ESAM: variants seen among roughly 807,000 people sequenced by gnomAD.
The protein encoded by ESAM is endothelial cell adhesion molecule, also known as endothelial cell-selective adhesion molecule.
A neutral mutation model predicts 31.8 loss-of-function variants in ESAM; 23 were observed. That is an observed-to-expected ratio of 0.72 (90% CI 0.52 to 1.03). The LOEUF is 1.03. Ranked by LOEUF, ESAM falls within the 50% of genes least tolerant of loss-of-function variation. The pLI, the probability that ESAM is intolerant of heterozygous loss-of-function variation, is 0.00. For synonymous variants in ESAM, 216 were observed against 207.2 expected, an observed-to-expected ratio of 1.04 and a Z score of -0.37; for missense variants, 478 against 488.9, an observed-to-expected ratio of 0.98 and a Z score of 0.21.
chr11:124,761,975 G>T (rs1944235597), intron 1 of ESAM, 110 bp downstream of exon 1: 1 of 952,926 alleles, frequency 1.0e-6, no homozygotes, highest in Non-Finnish European at 1.6e-6. Context: ...GTCAGGGGAG[G>T]AGGGCGAGTC....
In ESAM at chr11:124,754,355, G is replaced by A. The variant is rs200991755; in HGVS notation, c.731-15C>T. The A allele has an allele frequency of 6.8e-5, 110 of 1,613,280 alleles. No homozygotes were observed. The highest frequency in any genetic ancestry group is 1.2e-4 in the African/African-American group (9 of 75,006). Reference sequence around the variant, plus strand: ...AGCTCCAGGCCCTGGAAAAGGCGTCGTGTCAGAGGAGGACACCCAGCTGAG... The same window carrying A: ...AGCTCCAGGCCCTGGAAAAGGCGTCATGTCAGAGGAGGACACCCAGCTGAG... On this transcript the variant is annotated splice_polypyrimidine_tract_variant and intron_variant, in intron 5 of 6. Transcript: ENST00000278927. This position sits in a 1 kb window ranked among gnomAD's most constrained non-coding sequence, Gnocchi z 4.5.
chr11:124,760,612 C>T (rs1944217383), intron 1 of ESAM, among the ~76,000 whole-genome samples: 1 of 152,246 alleles, frequency 6.6e-6, no homozygotes. Context: ...TGCCATTTAA[C>T]CCTCGAGTGG....
chr11:124,758,614 G>A (rs1944186818), intron 1 of ESAM, 87 bp from the exon 2 acceptor site: 2 of 1,401,634 alleles, frequency 1.4e-6, no homozygotes, highest in Non-Finnish European at 1.9e-6. Flanking sequence ...ACCAGAGAGC[G>A]AGGAAAGTCG....
Position 124,754,594 on chromosome 11 carries a change from C to A in ESAM, c.730+47G>T. On this transcript the variant is annotated intron_variant, in intron 5 of 6. Transcript: ENST00000278927. This position sits in a 1 kb window ranked among gnomAD's most constrained non-coding sequence, Gnocchi z 4.5. ...GGCCTCCTCCCCACTTGCAACCCCT[C>A]CCCCACCATTGACCACTCTTCTTAA... 1 of 1,583,736 alleles carries A rather than the reference C, an allele frequency of 6.3e-7. No individual in the cohort carries two copies. The highest frequency in any genetic ancestry group is 1.2e-5 in the South Asian group (1 of 86,432).
In ESAM at chr11:124,762,090, G is replaced by T; in HGVS notation, c.65C>A (p.Ala22Asp). ...CAGGTCCGGGTTTCACTCACCGAGG[G>T]CACTCAGCCCCAGGAACAAAAACCG... The part of the protein sequence containing the change: ...LLRFLFLGLS[A>D]LAPPSRAQLQ... The change falls in exon 1 of 7, where the codon GCC (alanine) becomes GAC (aspartate). Residue 22 changes from alanine to aspartate, a missense_variant. Transcript: ENST00000278927. This position sits in a 1 kb window ranked among gnomAD's most constrained non-coding sequence, Gnocchi z 6.4. 6.2e-7 allele frequency: 1 copy of T among 1,610,958 alleles called. No homozygotes were observed. Among genetic ancestry groups the T allele is most frequent in the Non-Finnish European group, 8.5e-7 (1 of 1,178,560 alleles).
intron 4 of ESAM, among the ~76,000 whole-genome samples, chr11:124,755,308 A>G: frequency 6.6e-6 from 1 of 152,170 alleles, no homozygotes; most frequent in Admixed American, 6.5e-5. Context: ...TGAAGAGTTA[A>G]TGGGTACAGC....
Position 124,758,520 on chromosome 11 carries a change from G to A in ESAM, c.78C>T (p.Pro26=), listed in dbSNP as rs567320003. ...LFLGLSALAP[P]SRAQLQLHLP... is the part of the protein sequence containing the mutation. Reference sequence around the variant, plus strand: ...AGTGCAGTTGCAGCTGGGCCCGCGAGGGGGGCGCTGGAGACAAGAGCGAGG... The same window carrying A: ...AGTGCAGTTGCAGCTGGGCCCGCGAAGGGGGCGCTGGAGACAAGAGCGAGG... The change falls in exon 2 of 7, where the codon CCC becomes CCT. Residue 26 remains proline (P), a synonymous_variant. Coordinates refer to ENST00000278927, the MANE Select transcript of ESAM (RefSeq NM_138961.3). The A allele has an allele frequency of 7.7e-6, 12 of 1,556,402 alleles. No homozygotes were observed. Among genetic ancestry groups the A allele is most frequent in the Non-Finnish European group, 1.0e-5 (12 of 1,151,392 alleles).
chr11:124,762,021 C>CAAA lies in ESAM; in HGVS notation c.70+63_70+64insTTT, dbSNP rs1944236158. On this transcript the variant is annotated intron_variant, in intron 1 of 6. Transcript: ENST00000278927. The surrounding 1 kb of genome is among the most constrained non-coding windows in gnomAD (Gnocchi z 6.4). ...GTTCCGCAGCAGTGGCCAAAGTTCT[C>CAAA]CCTCAGGGTCGAACTCACCCCATCC... The CAAA allele has an allele frequency of 1.4e-6, 2 of 1,450,840 alleles. No individual in the cohort carries two copies. Among genetic ancestry groups the CAAA allele is most frequent in the South Asian group, 2.4e-5 (2 of 83,730 alleles). The allele number at this position is 1,450,840 out of a possible 1,614,324, so 89.9% of individuals were successfully genotyped here. A position where few individuals can be genotyped will look rare whatever the true frequency, so the allele number is the denominator to read the frequency against.
chr11:124,757,049 G>T, intron 2 of ESAM: 1 of 320,100 alleles, frequency 3.1e-6, no homozygotes, highest in South Asian at 4.8e-5. Context: ...ATGCAACTCA[G>T]ACTGCTGGGG....
In ESAM at chr11:124,754,433, A is replaced by G; in HGVS notation, c.731-93T>C. On this transcript the variant is annotated intron_variant, in intron 5 of 6. Transcript: ENST00000278927. This position sits in a 1 kb window ranked among gnomAD's most constrained non-coding sequence, Gnocchi z 4.5. ...CTCCCCACCCCATCTGCCACCATAC[A>G]CATTCCCTCTTTTTCCCTGTCAAGA... 1 of 1,530,400 alleles carries G rather than the reference A, an allele frequency of 6.5e-7. No individual in the cohort carries two copies. The highest frequency in any genetic ancestry group is 8.8e-7 in the Non-Finnish European group (1 of 1,136,958). The allele number at this position is 1,530,400 out of a possible 1,614,324, so 94.8% of individuals were successfully genotyped here.
In ESAM at chr11:124,756,217, T is replaced by TG; in HGVS notation, c.596dup (p.Pro200ThrfsTer30). ...CAGTAGTGTCCTCACCTAATGCTGG[T>TG]GCAAAGAAAGTCTGGAAGGATGGAA... is the stretch of plus-strand genomic sequence containing the variant. On this transcript the variant is annotated frameshift_variant, in exon 4 of 7. Transcript: ENST00000278927. LOFTEE classifies it high-confidence loss of function. 1 of 1,613,672 alleles carries TG rather than the reference T, an allele frequency of 6.2e-7. No individual in the cohort carries two copies. Among genetic ancestry groups the TG allele is most frequent in the Non-Finnish European group, 8.5e-7 (1 of 1,180,008 alleles).
chr11:124,762,281 GC>G lies in ESAM; in HGVS notation c.-128del. The stretch of plus-strand genomic sequence containing the variant: ...GCCGCTGACACCCAGGGCGGCTCCA[GC>G]CCAAGTCTGCGCGCCTGTGTGCCGG... On this transcript the variant is annotated 5_prime_UTR_variant, in exon 1 of 7. Coordinates refer to ENST00000278927, the MANE Select transcript of ESAM (RefSeq NM_138961.3). The surrounding 1 kb of genome is among the most constrained non-coding windows in gnomAD (Gnocchi z 6.4). The G allele has an allele frequency of 1.5e-6, 1 of 658,432 alleles. No homozygotes were observed. The highest frequency in any genetic ancestry group is 2.4e-6 in the Non-Finnish European group (1 of 411,900). 40.8% of individuals were successfully genotyped at this position (658,432 alleles called of 1,614,324 possible). A position where few individuals can be genotyped will look rare whatever the true frequency, so the allele number is the denominator to read the frequency against.
At position 124,754,126 on chromosome 11, in the gene ESAM, T is replaced by C. The variant is rs763909641; in HGVS notation, c.857+88A>G. 1 of 1,569,104 alleles carries C rather than the reference T, an allele frequency of 6.4e-7. No homozygotes were observed. Among genetic ancestry groups the C allele is most frequent in the Non-Finnish European group, 8.6e-7 (1 of 1,157,514 alleles). ...AATGATGTTTCAGCCACTGACCCCATCCCAATAGATGAGAGCTGCCTGAAT... is the reference window on the plus strand; with the variant it reads ...AATGATGTTTCAGCCACTGACCCCACCCCAATAGATGAGAGCTGCCTGAAT... On this transcript the variant is annotated intron_variant, in intron 6 of 6. Coordinates refer to ENST00000278927, the MANE Select transcript of ESAM (RefSeq NM_138961.3). This position sits in a 1 kb window ranked among gnomAD's most constrained non-coding sequence, Gnocchi z 4.5.
chr11:124,753,715 A>T lies in ESAM; in HGVS notation c.1104T>A (p.Ser368=), dbSNP rs1478454756. 1 of 1,614,124 alleles carries T rather than the reference A, an allele frequency of 6.2e-7. No individual in the cohort carries two copies. ...GCACAGCACCCATGCGGCTCAAGCCAGAGGAAGAAACCCCACCAGGGATGG... is the reference window on the plus strand; with the variant it reads ...GCACAGCACCCATGCGGCTCAAGCCTGAGGAAGAAACCCCACCAGGGATGG... ...ISPIPGGVSS[S]GLSRMGAVPV... The change falls in exon 7 of 7, where the codon TCT becomes TCA. Residue 368 remains serine, a synonymous_variant. Transcript: ENST00000278927.
In ESAM at chr11:124,756,428, C is replaced by T. The variant is rs554289511; in HGVS notation, c.452-66G>A. The stretch of plus-strand genomic sequence containing the variant: ...CCACAGATCCTCTCCCTCTGCCCTG[C>T]ACCCTTCTGTCGCTTCATTTGTTCC... On this transcript the variant is annotated intron_variant, in intron 3 of 6. Transcript: ENST00000278927. The T allele has an allele frequency of 7.1e-5, 112 of 1,579,602 alleles. 1 individual carries two copies. In the South Asian group the frequency reaches 1.3e-3, roughly 18 times the overall value.
At chr11:124,756,049 G>T (rs918845257) in intron 4 of ESAM, among the ~76,000 whole-genome samples, 158 bp downstream of exon 4, 1 of 152,134 alleles carries the variant, frequency 6.6e-6, no homozygotes, top group Non-Finnish European at 1.5e-5. Flanking sequence ...CCTGCCCCTG[G>T]CAGGGCATCT....
chr11:124,760,628 G>T (rs573699002), intron 1 of ESAM, among the ~76,000 whole-genome samples: 21 of 152,228 alleles, frequency 1.4e-4, no homozygotes, highest in Non-Finnish European at 2.5e-4. Flanking sequence ...AGTGGCTGGC[G>T]GGAACTGGGC....
At chr11:124,758,309 G>C (rs1358950205) in intron 2 of ESAM, 40 bp downstream of exon 2, 3 of 1,612,988 alleles carry the variant, frequency 1.9e-6, no homozygotes, top group Non-Finnish European at 2.5e-6. Context: ...ACCCCCTCTG[G>C]GCGCAACTTG....
At position 124,762,187 on chromosome 11, in the gene ESAM, C is replaced by A; in HGVS notation, c.-33G>T. Reference sequence around the variant, plus strand: ...CCTGGCCGGGACGGAGTCAGGGGCGCCAGCCGCGGGACGCACGGACCTGCA... The same window carrying A: ...CCTGGCCGGGACGGAGTCAGGGGCGACAGCCGCGGGACGCACGGACCTGCA... On this transcript the variant is annotated 5_prime_UTR_variant, in exon 1 of 7. Coordinates refer to ENST00000278927, the MANE Select transcript of ESAM (RefSeq NM_138961.3). This position sits in a 1 kb window ranked among gnomAD's most constrained non-coding sequence, Gnocchi z 6.4. The A allele has an allele frequency of 6.4e-7, 1 of 1,569,776 alleles. No homozygotes were observed. Among genetic ancestry groups the A allele is most frequent in the South Asian group, 1.1e-5 (1 of 87,244 alleles).
Sources: gnomAD v4.1 joint callset for allele counts (sites outside exome capture counted in the v4.1 genomes callset) on GRCh38, gnomAD v4.1.1 for gene constraint, Gnocchi (gnomAD v3.1) non-coding constraint, MANE v1.5 for transcripts, NCBI Gene and HGNC (gene_info 2026-07-23, HGNC 2026-07-21) for gene names.